ADAM10: variants seen among roughly 807,000 people sequenced by gnomAD.
The protein encoded by ADAM10 is ADAM metallopeptidase domain 10.
A neutral mutation model predicts 90.1 loss-of-function variants in ADAM10; 17 were observed. The observed-to-expected ratio is 0.19, with a 90% CI of 0.13 to 0.28. ADAM10 has a LOEUF of 0.28. Among genes scored for constraint, ADAM10 ranks in the 10% least tolerant of loss-of-function variants. The pLI, the probability that ADAM10 is intolerant of heterozygous loss-of-function variation, is 1.00. For synonymous variants in ADAM10, 310 were observed against 298.6 expected (o/e 1.04, Z -0.40); for missense variants, 610 against 914.3 (o/e 0.67, Z 4.29).
At chr15:58,717,205 ATG>A (rs1437530813) in intron 2 of ADAM10, among the ~76,000 whole-genome samples, 1 of 152,170 alleles carries the variant, frequency 6.6e-6, no homozygotes, top group Non-Finnish European at 1.5e-5. Context: ...TGAGTAAATG[ATG>A]TATTCAATGG....
chr15:58,676,837 T>A (rs1340815981), intron 4 of ADAM10, among the ~76,000 whole-genome samples: 1 of 152,026 alleles, frequency 6.6e-6, no homozygotes, highest in East Asian at 1.9e-4. Flanking sequence ...GATAAATAAA[T>A]AATAATTTCT....
rs756225732 is a variant in ADAM10, at chr15:58,646,076, T to G, written c.714A>C (p.Thr238=). ...ATACCTGGGCAATCACAGCTTCTCG[T>G]GTTCCGTAATATTTAAAGAACAAAT... ...TDHLFFKYYG[T]REAVIAQISS... is the part of the protein sequence containing the mutation. Residue 238 remains threonine (T), a synonymous_variant, in exon 6 of 16, where the codon ACA becomes ACC. Coordinates refer to ENST00000260408, the MANE Select transcript of ADAM10 (RefSeq NM_001110.4). 1 of 1,613,700 alleles carries G rather than the reference T, an allele frequency of 6.2e-7. No homozygotes were observed. Among genetic ancestry groups the G allele is most frequent in the Non-Finnish European group, 8.5e-7 (1 of 1,179,786 alleles).
At chr15:58,642,808 T>C (rs1375365534) in intron 7 of ADAM10, among the ~76,000 whole-genome samples, 1 of 152,204 alleles carries the variant, frequency 6.6e-6, no homozygotes, top group Admixed American at 6.5e-5. Context: ...AGGATTTATA[T>C]TGTTCACAGA....
intron 8 of ADAM10, among the ~76,000 whole-genome samples, chr15:58,639,233 C>T (rs1896351463): frequency 6.6e-6 from 1 of 152,186 alleles, no homozygotes; most frequent in African/African-American, 2.4e-5. Flanking sequence ...TTGGGCTCCA[C>T]ATCTATAGTT....
intron 9 of ADAM10, among the ~76,000 whole-genome samples, chr15:58,630,415 C>A (rs1356979510): frequency 6.6e-6 from 1 of 152,012 alleles, no homozygotes; most frequent in Non-Finnish European, 1.5e-5. Flanking sequence ...ATACTTAAAC[C>A]CCAAATTATC....
At chr15:58,635,188 T>C (rs1315122367) in intron 8 of ADAM10, among the ~76,000 whole-genome samples, 3 of 140,930 alleles carry the variant, frequency 2.1e-5, no homozygotes, top group South Asian at 2.2e-4. Context: ...GGCAGGAGAA[T>C]GGCGTGAACC....
chr15:58,729,788 C>T (rs1899163562), intron 1 of ADAM10, among the ~76,000 whole-genome samples: 3 of 152,022 alleles, frequency 2.0e-5, no homozygotes, highest in Non-Finnish European at 4.4e-5. Context: ...CATGGCGAAA[C>T]ACCGTCTCTA....
chr15:58,640,936 C>T lies in ADAM10; in HGVS notation c.853G>A (p.Asp285Asn). The T allele has an allele frequency of 1.2e-6, 2 of 1,614,010 alleles. No individual in the cohort carries two copies. Among genetic ancestry groups the T allele is most frequent in the Non-Finnish European group, 1.7e-6 (2 of 1,179,936 alleles). The change falls in exon 8 of 16, where the codon GAC (aspartate) becomes AAC (asparagine). Residue 285 changes from aspartate to asparagine, a missense_variant. Transcript: ENST00000260408. Reference sequence around the variant, plus strand: ...GGGAAACGGAAAGGATTTGTAGGGTCCTTCTCATCAGCAGTTGTATTGATC... The same window carrying T: ...GGGAAACGGAAAGGATTTGTAGGGTTCTTCTCATCAGCAGTTGTATTGATC... ...IRINTTADEK[D>N]PTNPFRFPNI... is the part of the protein sequence containing the mutation.
chr15:58,669,033 T>A (rs1386853550), intron 4 of ADAM10, among the ~76,000 whole-genome samples: 1 of 152,176 alleles, frequency 6.6e-6, no homozygotes, highest in Non-Finnish European at 1.5e-5. Flanking sequence ...AACAGCTGTG[T>A]ACACATAAAT....
chr15:58,724,981 A>C (rs550368974), intron 1 of ADAM10, among the ~76,000 whole-genome samples: 1 of 152,250 alleles, frequency 6.6e-6, no homozygotes, highest in East Asian at 1.9e-4. Context: ...GCTTGAGCCC[A>C]GGAGTTCAAG....
rs772247140 is a variant in ADAM10 at position 58,692,960 on chromosome 15, G to A, written c.207-10646C>T. On this transcript the variant is annotated intron_variant, in intron 2 of 15. Coordinates refer to ENST00000260408, the MANE Select transcript of ADAM10 (RefSeq NM_001110.4). ...TTGACCAAAGTCAGGATGCATTCCC[G>A]AGGGTTGGGGATGATGTCAATTTTC... 4.6e-5 allele frequency: 34 copies of A among 735,280 alleles called. No individual in the cohort carries two copies. In the African/African-American group the frequency reaches 4.7e-4, roughly 10 times the overall value. 45.5% of individuals were successfully genotyped at this position (735,280 alleles called of 1,614,324 possible).
chr15:58,601,839 T>C (rs1895120118), intron 14 of ADAM10, among the ~76,000 whole-genome samples: 1 of 152,230 alleles, frequency 6.6e-6, no homozygotes, highest in Non-Finnish European at 1.5e-5. Context: ...GGGAATGTCC[T>C]TCAATTTGGG....
At chr15:58,624,241 G>A (rs1331028758) in intron 10 of ADAM10, among the ~76,000 whole-genome samples, 3 of 151,434 alleles carry the variant, frequency 2.0e-5, no homozygotes, top group African/African-American at 7.3e-5. Context: ...AGCCGAGATC[G>A]TGCCACTGCA....
chr15:58,748,892 C>A, intron 1 of ADAM10: 1 of 399,188 alleles, frequency 2.5e-6, no homozygotes, highest in Non-Finnish European at 4.4e-6. Flanking sequence ...ACGGGCGGCC[C>A]CTCTGCAGAA....
At chr15:58,625,965 T>C (rs756671268) in intron 10 of ADAM10, among the ~76,000 whole-genome samples, 1 of 151,064 alleles carries the variant, frequency 6.6e-6, no homozygotes. Context: ...AAATTTTACA[T>C]ATGGAGAACA....
intron 1 of ADAM10, among the ~76,000 whole-genome samples, chr15:58,722,729 T>TC (rs1898896966): frequency 6.9e-6 from 1 of 145,978 alleles, no homozygotes; most frequent in Non-Finnish European, 1.5e-5. Context: ...TTGAGAACTT[T>TC]TTTTTTTTTT....
chr15:58,642,561 C>G (rs770279897), intron 7 of ADAM10, among the ~76,000 whole-genome samples: 1 of 151,774 alleles, frequency 6.6e-6, no homozygotes, highest in African/African-American at 2.4e-5. Context: ...AGGTTATGAA[C>G]AATCTTCAAC....
Position 58,644,518 on chromosome 15 carries a change from C to T in ADAM10, c.736-540G>A, listed in dbSNP as rs573964550. Among the ~76,000 whole-genome samples, 16 of 152,246 alleles carry T rather than the reference C, an allele frequency of 1.1e-4. No homozygotes were observed. The South Asian group carries it at 2.5e-3, about 24-fold the overall frequency. On this transcript the variant is annotated intron_variant, in intron 6 of 15. Coordinates refer to ENST00000260408, the MANE Select transcript of ADAM10 (RefSeq NM_001110.4). Reference sequence around the variant, plus strand: ...TGCTGGCATTACAGGCATGAGCCACCACAACTGGCCTAAACATATACTCTT... The same window carrying T: ...TGCTGGCATTACAGGCATGAGCCACTACAACTGGCCTAAACATATACTCTT...
chr15:58,748,667 G>C (rs777323494), intron 1 of ADAM10: 1 of 352,850 alleles, frequency 2.8e-6, no homozygotes, highest in Admixed American at 4.7e-5. Flanking sequence ...GTCACCCAGG[G>C]ACCGAACTTC....
Sources: gnomAD v4.1 joint callset for allele counts (sites outside exome capture counted in the v4.1 genomes callset) on GRCh38, gnomAD v4.1.1 for gene constraint, MANE v1.5 for transcripts, NCBI Gene and HGNC (gene_info 2026-07-23, HGNC 2026-07-21) for gene names.